GRM7: variants seen among roughly 807,000 people sequenced by gnomAD.
The protein encoded by GRM7 is glutamate metabotropic receptor 7, also known as metabotropic glutamate receptor 7.
Under a neutral mutation model 84.5 loss-of-function variants are expected in GRM7, and 35 were observed. The observed-to-expected ratio is 0.41, with a 90% confidence interval of 0.32 to 0.55. The LOEUF is 0.55. Ranked by LOEUF, GRM7 falls within the 20% of genes least tolerant of loss-of-function variation. The pLI, the probability that GRM7 is intolerant of heterozygous loss-of-function variation, is 0.19. For synonymous variants in GRM7, 487 were observed against 455.1 expected (o/e 1.07, Z -0.89); for missense variants, 1,003 against 1,194.6 (o/e 0.84, Z 2.36).
Position 6,876,223 on chromosome 3 carries a change from G to A in GRM7, c.519+14316G>A, listed in dbSNP as rs936774969. Among the ~76,000 whole-genome samples the A allele has an allele frequency of 3.0e-4, 46 of 151,524 alleles. 1 individual carries two copies. Among genetic ancestry groups the A allele is most frequent in the East Asian group, 5.8e-4 (3 of 5,164 alleles). ...GCAGCGGTAGCAATGAGCCGAGATC[G>A]CACCACTGCACTCCAATCTGGGTGA... is the stretch of plus-strand genomic sequence containing the variant. On this transcript the variant is annotated intron_variant, in intron 1 of 9. Coordinates refer to ENST00000357716, the MANE Select transcript of GRM7 (RefSeq NM_000844.4).
chr3:7,713,124 G>GTTTTT (rs5846535), intron 9 of GRM7, among the ~76,000 whole-genome samples: 178 of 97,114 alleles, frequency 1.8e-3, no homozygotes, highest in African/African-American at 3.2e-3. Context: ...ATTTTGTTTT[G>GTTTTT]TTTTTTTTTT....
chr3:7,093,312 C>T (rs777965696), intron 1 of GRM7, among the ~76,000 whole-genome samples: 3 of 151,674 alleles, frequency 2.0e-5, no homozygotes, highest in Non-Finnish European at 1.5e-5. Context: ...GGCTTCATGA[C>T]GTGTACTTGT....
chr3:7,189,037 C>G (rs1695618152), intron 2 of GRM7, among the ~76,000 whole-genome samples: 1 of 152,136 alleles, frequency 6.6e-6, no homozygotes, highest in African/African-American at 2.4e-5. Flanking sequence ...TGGCCACCAG[C>G]TCTACGCAAG....
intron 1 of GRM7, among the ~76,000 whole-genome samples, chr3:7,070,476 C>T (rs1227448709): frequency 6.6e-5 from 10 of 152,046 alleles, no homozygotes; most frequent in African/African-American, 2.4e-4. Context: ...TTTATTTAAT[C>T]ATTTTTGCTT....
At chr3:6,868,434 G>A (rs190332277) in intron 1 of GRM7, among the ~76,000 whole-genome samples, 2 of 152,158 alleles carry the variant, frequency 1.3e-5, no homozygotes, top group Non-Finnish European at 2.9e-5. Flanking sequence ...AATTTTGTAG[G>A]CCCATAGAAA....
At chr3:7,405,120 G>C (rs1695619325) in intron 4 of GRM7, among the ~76,000 whole-genome samples, 1 of 152,040 alleles carries the variant, frequency 6.6e-6, no homozygotes, top group African/African-American at 2.4e-5. Flanking sequence ...CACAGTGGGA[G>C]ATTTTGTTAC....
At chr3:7,341,867 T>G (rs1319560689) in intron 4 of GRM7, among the ~76,000 whole-genome samples, 1 of 152,104 alleles carries the variant, frequency 6.6e-6, no homozygotes, top group African/African-American at 2.4e-5. Flanking sequence ...GAACCTGAAC[T>G]CAGTCTGAGT....
intron 4 of GRM7, among the ~76,000 whole-genome samples, chr3:7,393,166 C>T (rs762261171): frequency 6.6e-6 from 1 of 152,164 alleles, no homozygotes; most frequent in African/African-American, 2.4e-5. Flanking sequence ...GAACGCATGG[C>T]CATGCCCCTT....
At chr3:7,433,340 C>T (rs563071915) in intron 5 of GRM7, among the ~76,000 whole-genome samples, 15 of 152,272 alleles carry the variant, frequency 9.9e-5, no homozygotes, top group East Asian at 1.9e-4. Flanking sequence ...CCCAGAGCTC[C>T]GTGTTCTTTC....
intron 4 of GRM7, among the ~76,000 whole-genome samples, chr3:7,345,343 C>CG (rs1216963294): frequency 1.3e-5 from 2 of 150,600 alleles, no homozygotes; most frequent in African/African-American, 4.9e-5. Flanking sequence ...GGTGGGATTT[C>CG]GGCTCACTGC....
chr3:7,525,778 G>C (rs6765925), intron 7 of GRM7, among the ~76,000 whole-genome samples: 77,126 of 151,814 alleles, frequency 0.51, 20,952 homozygotes, highest in African/African-American at 0.71. Flanking sequence ...CCAATGTTTA[G>C]CTCTCACTTA....
chr3:7,102,710 CG>C (rs1699154937), intron 1 of GRM7, among the ~76,000 whole-genome samples: 1 of 151,716 alleles, frequency 6.6e-6, no homozygotes, highest in African/African-American at 2.4e-5. Context: ...GATTGTCCCA[CG>C]GGTCACTAAG....
intron 7 of GRM7, among the ~76,000 whole-genome samples, chr3:7,522,478 C>A (rs532490845): frequency 5.9e-5 from 9 of 152,248 alleles, no homozygotes; most frequent in African/African-American, 1.9e-4. Flanking sequence ...AGAGCTATGA[C>A]ACCTGCCCTC....
At chr3:7,313,809 T>A (rs991017310) in intron 4 of GRM7, among the ~76,000 whole-genome samples, 14 of 152,120 alleles carry the variant, frequency 9.2e-5, no homozygotes, top group Admixed American at 3.9e-4. Flanking sequence ...TGTGAAAATA[T>A]CCATGCAAGA....
At chr3:7,429,641 AAAAGT>A (rs1696749948) in intron 5 of GRM7, among the ~76,000 whole-genome samples, 1 of 152,210 alleles carries the variant, frequency 6.6e-6, no homozygotes, top group Admixed American at 6.5e-5. Context: ...AAAGAAAGAT[AAAAGT>A]AAAGTTCTCG....
intron 2 of GRM7, among the ~76,000 whole-genome samples, chr3:7,149,772 G>T (rs770125788): frequency 6.6e-6 from 1 of 152,174 alleles, no homozygotes; most frequent in East Asian, 1.9e-4. Flanking sequence ...TGCTTCACCA[G>T]ATTGGTAGAA....
At chr3:7,308,135 T>G (rs1700260338) in intron 4 of GRM7, among the ~76,000 whole-genome samples, 1 of 152,212 alleles carries the variant, frequency 6.6e-6, no homozygotes, top group South Asian at 2.1e-4. Flanking sequence ...TCCTGCCTTC[T>G]TAAAATCCTT....
At chr3:7,196,330 G>A (rs1026204969) in intron 2 of GRM7, among the ~76,000 whole-genome samples, 2 of 152,048 alleles carry the variant, frequency 1.3e-5, no homozygotes, top group Non-Finnish European at 2.9e-5. Context: ...CTCATCTAAA[G>A]GCACCCTCAT....
intron 1 of GRM7, among the ~76,000 whole-genome samples, chr3:6,978,947 C>G (rs149243054): frequency 3.3e-5 from 5 of 152,088 alleles, no homozygotes; most frequent in African/African-American, 1.2e-4. Context: ...GTTTTTCATT[C>G]TATCCAAGTT....
Sources: gnomAD v4.1 joint callset for allele counts (sites outside exome capture counted in the v4.1 genomes callset) on GRCh38, gnomAD v4.1.1 for gene constraint, MANE v1.5 for transcripts, NCBI Gene and HGNC (gene_info 2026-07-23, HGNC 2026-07-21) for gene names.